SPOCK1: variants seen among roughly 807,000 people sequenced by gnomAD.
SPOCK1 encodes the protein SPARC (osteonectin), cwcv and kazal like domains proteoglycan 1, also known as testican-1.
Under a neutral mutation model 55.3 loss-of-function variants are expected in SPOCK1, and 23 were observed. The observed-to-expected ratio is 0.42, with a 90% confidence interval of 0.30 to 0.59. The LOEUF (loss-of-function observed/expected upper bound fraction) is 0.59, where lower values mean the gene tolerates loss of function less well. Among genes scored for constraint, SPOCK1 ranks in the 20% least tolerant of loss-of-function variants. The pLI, the probability that SPOCK1 is intolerant of heterozygous loss-of-function variation, is 0.22. For synonymous variants in SPOCK1, 226 were observed against 221.0 expected, an observed-to-expected ratio of 1.02 and a Z score of -0.20; for missense variants, 499 against 552.5, an observed-to-expected ratio of 0.90 and a Z score of 0.97.
At chr5:137,098,172 T>C (rs1449983627) in intron 5 of SPOCK1, among the ~76,000 whole-genome samples, 4 of 150,192 alleles carry the variant, frequency 2.7e-5, no homozygotes, top group Non-Finnish European at 4.4e-5. Flanking sequence ...ACAAGTGTTA[T>C]TATGTCCATT....
intron 2 of SPOCK1, among the ~76,000 whole-genome samples, chr5:137,358,281 T>C (rs1396147847): frequency 4.6e-5 from 7 of 151,880 alleles, no homozygotes; most frequent in Admixed American, 3.9e-4. Context: ...ACAGGTGATG[T>C]TCATCCAACA....
intron 4 of SPOCK1, among the ~76,000 whole-genome samples, chr5:137,131,894 C>A (rs1753886407): frequency 7.0e-6 from 1 of 142,236 alleles, no homozygotes; most frequent in Non-Finnish European, 1.5e-5. Flanking sequence ...ATGGCGTGAA[C>A]CCGGGAGGCG....
In SPOCK1 at chr5:136,979,474, G is replaced by T. The variant is rs767353778; in HGVS notation, c.992-5C>A. On this transcript the variant is annotated splice_polypyrimidine_tract_variant and splice_region_variant and intron_variant, in intron 9 of 10. Coordinates refer to ENST00000394945, the MANE Select transcript of SPOCK1 (RefSeq NM_004598.4). ...TACACCGAGGTATGAAGGCCCCTGGGGGAACAAAAGGTGCAACTTTAATCA... is the reference window on the plus strand; with the variant it reads ...TACACCGAGGTATGAAGGCCCCTGGTGGAACAAAAGGTGCAACTTTAATCA... The T allele has an allele frequency of 6.2e-7, 1 of 1,611,404 alleles. No individual in the cohort carries two copies.
chr5:137,019,758 T>C (rs1035093156), intron 6 of SPOCK1, among the ~76,000 whole-genome samples: 1 of 151,948 alleles, frequency 6.6e-6, no homozygotes, highest in Non-Finnish European at 1.5e-5. Flanking sequence ...AGAAGAAAAG[T>C]GCCCACAGAC....
intron 3 of SPOCK1, among the ~76,000 whole-genome samples, chr5:137,192,237 A>AG (rs1438403891): frequency 2.0e-5 from 3 of 149,884 alleles, no homozygotes; most frequent in Non-Finnish European, 4.4e-5. Context: ...TGTCTCAAAA[A>AG]AAAAAAAAAA....
At chr5:137,319,301 T>C (rs961438165) in intron 2 of SPOCK1, among the ~76,000 whole-genome samples, 3 of 152,238 alleles carry the variant, frequency 2.0e-5, no homozygotes, top group Non-Finnish European at 4.4e-5. Context: ...ATATTTCCTT[T>C]GGCCTTTAAT....
At chr5:136,994,592 G>A (rs960353658) in intron 6 of SPOCK1, among the ~76,000 whole-genome samples, 5 of 151,806 alleles carry the variant, frequency 3.3e-5, no homozygotes, top group Admixed American at 3.3e-4. Context: ...GGTAACATTA[G>A]GGCTAGCATC....
At chr5:137,300,645 T>C (rs1757571694) in intron 2 of SPOCK1, among the ~76,000 whole-genome samples, 1 of 152,216 alleles carries the variant, frequency 6.6e-6, no homozygotes, top group East Asian at 1.9e-4. Context: ...GTCTCACCCA[T>C]TCATGTGAGT....
chr5:136,985,271 T>A (rs1750816307), intron 8 of SPOCK1, 69 bp from the exon 9 acceptor site: 4 of 1,395,028 alleles, frequency 2.9e-6, no homozygotes, highest in South Asian at 2.3e-5. Context: ...TTGACTTCAC[T>A]CTTGATGTGA....
At chr5:137,069,080 C>T (rs1188996405) in intron 5 of SPOCK1, among the ~76,000 whole-genome samples, 1 of 152,186 alleles carries the variant, frequency 6.6e-6, no homozygotes, top group East Asian at 1.9e-4. Context: ...CAAATGCATA[C>T]CTTTGAAAAA....
chr5:137,349,704 T>C (rs1054684281), intron 2 of SPOCK1, among the ~76,000 whole-genome samples: 6 of 152,316 alleles, frequency 3.9e-5, no homozygotes, highest in Middle Eastern at 6.8e-3. Context: ...CCTTGACTTG[T>C]AGATGCATCA....
intron 5 of SPOCK1, among the ~76,000 whole-genome samples, chr5:137,070,264 G>A (rs909819712): frequency 1.3e-5 from 2 of 152,186 alleles, no homozygotes; most frequent in African/African-American, 2.4e-5. Flanking sequence ...CACAGCTAAC[G>A]CACAATGTGA....
intron 3 of SPOCK1, among the ~76,000 whole-genome samples, chr5:137,165,897 G>T (rs2127055087): frequency 6.6e-6 from 1 of 151,970 alleles, no homozygotes; most frequent in South Asian, 2.1e-4. Context: ...AAACAATAAA[G>T]CTCACATAAA....
chr5:137,488,715 A>C (rs1754113638), intron 2 of SPOCK1, among the ~76,000 whole-genome samples: 1 of 152,142 alleles, frequency 6.6e-6, no homozygotes, highest in Non-Finnish European at 1.5e-5. Flanking sequence ...TTGGGCAAAG[A>C]TTGCCTGGAA....
Position 137,322,129 on chromosome 5 carries a change from G to A in SPOCK1, c.187-55074C>T, listed in dbSNP as rs76078173. Among the ~76,000 whole-genome samples, 791 of 151,948 alleles carry A rather than the reference G, an allele frequency of 5.2e-3. 39 individuals carry two copies. The East Asian group carries it at 0.12, about 23-fold the overall frequency. ...AGGCAGGCAGTGAACCCAGGAGTTC[G>A]AGACCAGCCTGGGCAACATAGCAAA... is the stretch of plus-strand genomic sequence containing the variant. On this transcript the variant is annotated intron_variant, in intron 2 of 10. Transcript: ENST00000394945.
chr5:137,169,284 G>A lies in SPOCK1; in HGVS notation c.233-28590C>T, dbSNP rs570945975. Among the ~76,000 whole-genome samples, 14 of 152,224 alleles carry A rather than the reference G, an allele frequency of 9.2e-5. No homozygotes were observed. The East Asian group carries it at 2.7e-3, about 29-fold the overall frequency. On this transcript the variant is annotated intron_variant, in intron 3 of 10. Transcript: ENST00000394945. ...ACCTAATATTTGCTAGAGCAAAAAG[G>A]TGACTATTGTCAAAAAAATTAATTG...
chr5:137,177,078 C>G (rs766714496), intron 3 of SPOCK1, among the ~76,000 whole-genome samples: 1 of 151,950 alleles, frequency 6.6e-6, no homozygotes, highest in Non-Finnish European at 1.5e-5. Flanking sequence ...TCCCTAGACA[C>G]GAAAGGAATT....
At chr5:136,988,394 G>C (rs1301304794) in intron 8 of SPOCK1, 28 bp downstream of exon 8, 1 of 1,600,482 alleles carries the variant, frequency 6.2e-7, no homozygotes, top group South Asian at 1.1e-5. Context: ...CCCTGGGCTA[G>C]GGACCCCAAC....
chr5:137,438,115 C>T (rs1580927295), intron 2 of SPOCK1, among the ~76,000 whole-genome samples: 3 of 151,992 alleles, frequency 2.0e-5, no homozygotes, highest in African/African-American at 7.2e-5. Context: ...AGGCTGAATA[C>T]ATTATGAGCT....
Sources: allele counts gnomAD v4.1 joint callset (sites outside exome capture counted in the v4.1 genomes callset), GRCh38; gene constraint gnomAD v4.1.1; transcripts MANE v1.5; gene names NCBI Gene and HGNC (gene_info 2026-07-23, HGNC 2026-07-21).